Variants in CYLD observed in about 807,000 individuals in gnomAD.
The protein encoded by CYLD is ubiquitin carboxyl-terminal hydrolase CYLD.
CYLD carries 26 observed loss-of-function variants against 104.5 expected under a neutral mutation model. The observed-to-expected ratio is 0.25, with a 90% CI of 0.18 to 0.35. CYLD has a LOEUF of 0.35. Among genes scored for constraint, CYLD ranks in the 10% least tolerant of loss-of-function variants. CYLD has a pLI of 1.00. For missense variants in CYLD, 703 were observed against 1,136.1 expected (o/e 0.62, Z 5.48); for synonymous variants, 385 against 399.9 (o/e 0.96, Z 0.45).
chr16:50,788,893 AT>A (rs1971126180), intron 14 of CYLD, among the ~76,000 whole-genome samples: 1 of 152,200 alleles, frequency 6.6e-6, no homozygotes, highest in South Asian at 2.1e-4. Context: ...TAAAAGACTT[AT>A]ACAGAGCTAA....
rs773736598 is a variant in CYLD, at chr16:50,751,921, G to A, written c.807+15G>A. On this transcript the variant is annotated intron_variant, in intron 4 of 18. Coordinates refer to ENST00000427738, the MANE Select transcript of CYLD (RefSeq NM_001378743.1). ...GTGTGGACATGGTAAGAAAATTTTG[G>A]ATTAAATATCTTTGTGATATATATA... 1 of 1,557,134 alleles carries A rather than the reference G, an allele frequency of 6.4e-7. No individual in the cohort carries two copies. Among genetic ancestry groups the A allele is most frequent in the Non-Finnish European group, 8.8e-7 (1 of 1,138,554 alleles).
At chr16:50,765,614 G>A (rs879605655) in intron 5 of CYLD, among the ~76,000 whole-genome samples, 3 of 152,194 alleles carry the variant, frequency 2.0e-5, no homozygotes, top group East Asian at 1.9e-4. Flanking sequence ...GTTGAAAACC[G>A]AGAGAGACTG....
At chr16:50,742,231 G>C (rs1642180801) in intron 1 of CYLD, 107 bp downstream of exon 1, 1 of 151,510 alleles carries the variant, frequency 6.6e-6, no homozygotes, top group Admixed American at 6.6e-5. Context: ...GTGAATGAGC[G>C]GGCGGCTGGC....
intron 12 of CYLD, 46 bp from the exon 13 acceptor site, chr16:50,786,809 A>G: frequency 7.6e-7 from 1 of 1,310,096 alleles, no homozygotes; most frequent in East Asian, 2.3e-5. Context: ...TGTGTTATAT[A>G]ATTTAATACA....
intron 17 of CYLD, among the ~76,000 whole-genome samples, chr16:50,793,925 T>TTG: frequency 1.3e-5 from 2 of 150,474 alleles, no homozygotes. Context: ...ATGACATTTT[T>TTG]TTTTTTTTTT....
At chr16:50,767,827 A>C (rs1340144044) in intron 5 of CYLD, among the ~76,000 whole-genome samples, 4 of 152,192 alleles carry the variant, frequency 2.6e-5, no homozygotes, top group Non-Finnish European at 4.4e-5. Context: ...TTTGGTTTGA[A>C]ATGTAAATTA....
In CYLD at chr16:50,777,879, A is replaced by G; in HGVS notation, c.1076A>G (p.Asn359Ser). Residue 359 changes from asparagine (N) to serine (S), a missense_variant, in exon 8 of 19, where the codon AAT becomes AGT. Physicochemically the swap from Asn to Ser is conservative, Grantham distance 46. This residue lies in a region of CYLD where 183 missense variants were observed against 212.1 expected (regional missense o/e 0.86). Coordinates refer to ENST00000427738, the MANE Select transcript of CYLD (RefSeq NM_001378743.1). ...RNRSELFYTLNGSSVDSQPQS... is the reference protein window; with the variant it reads ...RNRSELFYTLSGSSVDSQPQS... ...AGATCTGAATTATTTTATACCTTAA[A>G]TGGGTCTTCTGTTGACTCACAACCA... 5 of 1,609,704 alleles carry G rather than the reference A, an allele frequency of 3.1e-6. No homozygotes were observed. The highest frequency in any genetic ancestry group is 1.7e-5 in the Admixed American group (1 of 59,982).
chr16:50,792,567 T>C, intron 15 of CYLD, 30 bp from the exon 16 acceptor site: 1 of 1,505,400 alleles, frequency 6.6e-7, no homozygotes, highest in South Asian at 1.2e-5. Flanking sequence ...TTTAACACTT[T>C]GATTCTAAAA....
intron 5 of CYLD, among the ~76,000 whole-genome samples, chr16:50,754,843 T>C (rs1453259905): frequency 6.7e-6 from 1 of 150,346 alleles, no homozygotes; most frequent in Non-Finnish European, 1.5e-5. Flanking sequence ...TAGTATTCCA[T>C]GGTGTATGTA....
At chr16:50,774,505 A>G (rs1158818302) in intron 5 of CYLD, among the ~76,000 whole-genome samples, 1 of 152,230 alleles carries the variant, frequency 6.6e-6, no homozygotes, top group Non-Finnish European at 1.5e-5. Context: ...ACAATATGGC[A>G]ACATCACTAC....
chr16:50,745,362 GTTTTT>G lies in CYLD; in HGVS notation c.-124+2540_-124+2544del, dbSNP rs535675323. Among the ~76,000 whole-genome samples, 755 of 78,720 alleles carry G rather than the reference GTTTTT, an allele frequency of 9.6e-3. 2 individuals are homozygous for G. The highest frequency in any genetic ancestry group is 0.034 in the African/African-American group (633 of 18,504). 51.6% of individuals were successfully genotyped at this position (78,720 alleles called of 152,430 possible). A position where few individuals can be genotyped will look rare whatever the true frequency, so the allele number is the denominator to read the frequency against. ...TGTGTGTGTTCTCTCTTTCCTCTTT[GTTTTT>G]TTTTTTTTTTTTTTTTTTGAGACCA... On this transcript the variant is annotated intron_variant, in intron 2 of 18. Coordinates refer to ENST00000427738, the MANE Select transcript of CYLD (RefSeq NM_001378743.1).
chr16:50,742,700 C>G (rs1317133183), intron 1 of CYLD, 62 bp from the exon 2 acceptor site: 2 of 398,162 alleles, frequency 5.0e-6, no homozygotes, highest in African/African-American at 2.1e-5. Context: ...TGGTGGCTCC[C>G]GTCCAGGAAT....
intron 5 of CYLD, 97 bp downstream of exon 5, chr16:50,754,521 T>C: frequency 1.2e-6 from 1 of 809,370 alleles, no homozygotes; most frequent in Non-Finnish European, 2.0e-6. Flanking sequence ...AGGTGGTGTT[T>C]GGTTACATGG....
At chr16:50,762,526 G>A (rs757839273) in intron 5 of CYLD, among the ~76,000 whole-genome samples, 12 of 152,160 alleles carry the variant, frequency 7.9e-5, no homozygotes, top group Non-Finnish European at 1.8e-4. Flanking sequence ...AGCTGTGAGA[G>A]TACATTTCCA....
intron 5 of CYLD, among the ~76,000 whole-genome samples, chr16:50,759,247 A>G (rs1341998999): frequency 6.6e-6 from 1 of 152,234 alleles, no homozygotes; most frequent in Non-Finnish European, 1.5e-5. Flanking sequence ...ATCTCAAAAA[A>G]GAAACTTTTT....
intron 5 of CYLD, among the ~76,000 whole-genome samples, chr16:50,762,368 C>T (rs1425934602): frequency 6.6e-6 from 1 of 152,174 alleles, no homozygotes; most frequent in African/African-American, 2.4e-5. Flanking sequence ...TGGTTTTGAA[C>T]AGGATATGAA....
chr16:50,781,347 G>A lies in CYLD; in HGVS notation c.1620G>A (p.Arg540=), dbSNP rs755309922. The change falls in exon 10 of 19, where the codon AGG becomes AGA. Residue 540 remains arginine, a synonymous_variant. Transcript: ENST00000427738. The stretch of plus-strand genomic sequence containing the variant: ...TGTTTGTGAAACTGAAGAGCTGCAG[G>A]CCTGACTCTAGGTTTGCATCATTGC... The part of the protein sequence containing the change: ...KALFVKLKSC[R]PDSRFASLQP... 4 of 1,613,742 alleles carry A rather than the reference G, an allele frequency of 2.5e-6. No homozygotes were observed. The highest frequency in any genetic ancestry group is 2.2e-5 in the South Asian group (2 of 91,068).
rs1972482915 is a variant in CYLD at position 50,801,831 on chromosome 16, T to A, written c.*5323T>A. ...CCCCTTCCTATCAGCTCGCTCTGAT[T>A]TAGCCTTAATTTTGTTAAATTTTTT... On this transcript the variant is annotated 3_prime_UTR_variant, in exon 19 of 19. Transcript: ENST00000427738. The A allele has an allele frequency of 8.6e-6, 2 of 233,342 alleles. No homozygotes were observed. Among genetic ancestry groups the A allele is most frequent in the East Asian group, 1.2e-4 (2 of 16,588 alleles). The allele number at this position is 233,342 out of a possible 1,614,324, so 14.5% of individuals were successfully genotyped here. A position where few individuals can be genotyped will look rare whatever the true frequency, so the allele number is the denominator to read the frequency against.
In CYLD at chr16:50,799,421, C is replaced by T. The variant is rs571847444; in HGVS notation, c.*2913C>T. Reference sequence around the variant, plus strand: ...TCAGCTTTATAAAGGAGTTTGACTCCATCCACAGAAGAATGTTTTATAAGA... The same window carrying T: ...TCAGCTTTATAAAGGAGTTTGACTCTATCCACAGAAGAATGTTTTATAAGA... On this transcript the variant is annotated 3_prime_UTR_variant, in exon 19 of 19. Transcript: ENST00000427738. 2.6e-5 allele frequency: 6 copies of T among 233,712 alleles called. No homozygotes were observed. In the South Asian group the frequency reaches 9.0e-4, roughly 35 times the overall value. 14.5% of individuals were successfully genotyped at this position (233,712 alleles called of 1,614,324 possible). A position where few individuals can be genotyped will look rare whatever the true frequency, so the allele number is the denominator to read the frequency against.
Sources: allele counts gnomAD v4.1 joint callset (sites outside exome capture counted in the v4.1 genomes callset), GRCh38; gene constraint gnomAD v4.1.1; regional missense constraint gnomAD v4.1.1; transcripts MANE v1.5; gene names NCBI Gene and HGNC (gene_info 2026-07-23, HGNC 2026-07-21).